UNC13C: variants seen among roughly 807,000 people sequenced by gnomAD.
UNC13C encodes protein unc-13 homolog C.
In UNC13C, 174 loss-of-function variants were observed where a neutral mutation model predicts 245.4. The ratio of observed to expected loss-of-function variants is 0.71; its 90% CI spans 0.63 to 0.80. The LOEUF (loss-of-function observed/expected upper bound fraction) is 0.80, where lower values mean the gene tolerates loss of function less well. UNC13C is among the 30% of genes least tolerant of loss of function. The pLI, the probability that UNC13C is intolerant of heterozygous loss-of-function variation, is 0.00. For missense variants in UNC13C, 2,829 were observed against 2,602.9 expected (o/e 1.09, Z -1.89); for synonymous variants, 992 against 895.1 (o/e 1.11, Z -1.93).
chr15:53,938,224 C>G, the UNC13C span, among the ~76,000 whole-genome samples: 1 of 151,986 alleles, frequency 6.6e-6, no homozygotes, highest in Non-Finnish European at 1.5e-5. Flanking sequence ...GAGTCACATT[C>G]CTAGTTTCTG....
intron 10 of UNC13C, among the ~76,000 whole-genome samples, chr15:54,291,624 A>G (rs2037302281): frequency 6.6e-6 from 1 of 151,984 alleles, no homozygotes; most frequent in South Asian, 2.1e-4. Context: ...TAACTGCTAT[A>G]AGGTATTATC....
chr15:54,304,919 A>G (rs11632432), intron 13 of UNC13C, among the ~76,000 whole-genome samples: 22,577 of 152,052 alleles, frequency 0.15, 1,792 homozygotes, highest in Admixed American at 0.21. Context: ...ATTAGAAATT[A>G]TTGTTTTTAT....
At chr15:54,482,282 G>T (rs1029577103) in intron 19 of UNC13C, among the ~76,000 whole-genome samples, 3 of 152,094 alleles carry the variant, frequency 2.0e-5, no homozygotes, top group African/African-American at 7.2e-5. Flanking sequence ...GGATAGTCCA[G>T]TGAGGCCTGG....
chr15:54,006,570 T>C (rs1895146508), intron 1 of UNC13C, among the ~76,000 whole-genome samples: 1 of 152,244 alleles, frequency 6.6e-6, no homozygotes, highest in Non-Finnish European at 1.5e-5. Context: ...GAGTCATCCC[T>C]GTGATCATCA....
At position 54,481,220 on chromosome 15, in the gene UNC13C, C is replaced by T. The variant is rs568978982; in HGVS notation, c.4934-13388C>T. ...GGATGGGATGCTAGGCATGCTGGTC[C>T]TCAGGTGCCAGTGGTGGTGGCGTCA... On this transcript the variant is annotated intron_variant, in intron 19 of 32. Coordinates refer to ENST00000260323, the MANE Select transcript of UNC13C (RefSeq NM_001080534.3). Among the ~76,000 whole-genome samples the T allele has an allele frequency of 2.0e-5, 3 of 152,220 alleles. 1 individual carries two copies. The South Asian group carries it at 6.2e-4, about 32-fold the overall frequency.
chr15:53,894,139 C>A, the UNC13C span, among the ~76,000 whole-genome samples: 2 of 152,188 alleles, frequency 1.3e-5, no homozygotes, highest in South Asian at 2.1e-4. Flanking sequence ...GACACCCCAC[C>A]CTGCTTTGGC....
intron 2 of UNC13C, among the ~76,000 whole-genome samples, chr15:54,079,867 T>C (rs1466564624): frequency 1.3e-5 from 2 of 152,024 alleles, no homozygotes; most frequent in African/African-American, 4.8e-5. Flanking sequence ...ATGGTTAGAG[T>C]AGACATCCTT....
intron 19 of UNC13C, among the ~76,000 whole-genome samples, chr15:54,486,687 T>C (rs896362600): frequency 1.3e-5 from 2 of 152,196 alleles, no homozygotes; most frequent in Non-Finnish European, 2.9e-5. Flanking sequence ...GCCAAGAGCT[T>C]TGGACACCTA....
intron 2 of UNC13C, among the ~76,000 whole-genome samples, chr15:54,020,135 C>A (rs1013923090): frequency 2.0e-5 from 3 of 152,150 alleles, no homozygotes; most frequent in Admixed American, 6.5e-5. Flanking sequence ...GGGATGTGAT[C>A]ATCAGAACAC....
chr15:54,012,504 A>T (rs1183500181), intron 1 of UNC13C, among the ~76,000 whole-genome samples, 144 bp from the exon 2 acceptor site: 1 of 152,238 alleles, frequency 6.6e-6, no homozygotes, highest in Non-Finnish European at 1.5e-5. Context: ...TTAAAAGTAA[A>T]TTTACATTGA....
intron 30 of UNC13C, among the ~76,000 whole-genome samples, chr15:54,573,483 A>G (rs936039018): frequency 2.6e-5 from 4 of 152,238 alleles, no homozygotes; most frequent in African/African-American, 9.6e-5. Context: ...AATTTAATAT[A>G]TAAGAGTCAC....
intron 30 of UNC13C, among the ~76,000 whole-genome samples, chr15:54,588,644 C>G (rs1898611579): frequency 6.6e-6 from 1 of 152,162 alleles, no homozygotes; most frequent in South Asian, 2.1e-4. Flanking sequence ...CCCCCTTCCC[C>G]TCTTCCTCCC....
Position 54,293,618 on chromosome 15 carries a change from A to G in UNC13C, c.3819-277A>G, listed in dbSNP as rs111462601. ...AATATGGCATAAGTGAAAATATCAC[A>G]AGCAAAGATTTCTTACCCATATTTG... On this transcript the variant is annotated intron_variant, in intron 10 of 32. Transcript: ENST00000260323. Among the ~76,000 whole-genome samples, 5 of 152,158 alleles carry G rather than the reference A, an allele frequency of 3.3e-5. 1 individual carries two copies. The highest frequency in any genetic ancestry group is 1.2e-4 in the African/African-American group (5 of 41,554).
chr15:54,435,376 C>T (rs1449505286), intron 19 of UNC13C, among the ~76,000 whole-genome samples: 2 of 152,064 alleles, frequency 1.3e-5, no homozygotes, highest in African/African-American at 4.8e-5. Context: ...GGCACATATA[C>T]ACCATGGAAT....
intron 2 of UNC13C, among the ~76,000 whole-genome samples, chr15:54,082,369 TTGCC>T (rs1421258801): frequency 6.3e-5 from 3 of 47,402 alleles, no homozygotes; most frequent in Non-Finnish European, 1.8e-4. Context: ...GTTTTCCAAG[TTGCC>T]TACTTTTTCT....
the UNC13C span, among the ~76,000 whole-genome samples, chr15:53,885,520 A>T: frequency 6.6e-6 from 1 of 152,182 alleles, no homozygotes; most frequent in Non-Finnish European, 1.5e-5. Flanking sequence ...TCTTGTGTCC[A>T]ATCACATTTC....
At chr15:54,405,526 G>A (rs143133973) in intron 18 of UNC13C, among the ~76,000 whole-genome samples, 187 of 152,164 alleles carry the variant, frequency 1.2e-3, no homozygotes, top group African/African-American at 4.3e-3. Context: ...CATAGAAAAA[G>A]CGAATAAAAA....
intron 19 of UNC13C, among the ~76,000 whole-genome samples, chr15:54,462,639 C>T (rs986022036): frequency 5.3e-5 from 8 of 152,234 alleles, no homozygotes; most frequent in African/African-American, 1.4e-4. Context: ...CCAGCACTGC[C>T]GGCCTGCCCG....
At chr15:54,463,155 T>A (rs1021517945) in intron 19 of UNC13C, among the ~76,000 whole-genome samples, 1 of 150,266 alleles carries the variant, frequency 6.7e-6, no homozygotes, top group Admixed American at 6.7e-5. Flanking sequence ...TGTGTCTAGC[T>A]CAAGGTTTGT....
Sources: gnomAD v4.1 joint callset for allele counts (sites outside exome capture counted in the v4.1 genomes callset) on GRCh38, gnomAD v4.1.1 for gene constraint, MANE v1.5 for transcripts, NCBI Gene and HGNC (gene_info 2026-07-23, HGNC 2026-07-21) for gene names.